SLC30A8: variants seen among roughly 807,000 people sequenced by gnomAD.
The protein encoded by SLC30A8 is solute carrier family 30 member 8, also known as proton-coupled zinc antiporter SLC30A8.
SLC30A8 carries 27 observed loss-of-function variants against 36.9 expected under a neutral mutation model. The ratio of observed to expected loss-of-function variants is 0.73; its 90% CI spans 0.54 to 1.01. The LOEUF is 1.01. Among genes scored for constraint, SLC30A8 ranks in the 50% least tolerant of loss-of-function variants. The pLI, the probability that SLC30A8 is intolerant of heterozygous loss-of-function variation, is 0.00. For missense variants in SLC30A8, 439 were observed against 452.0 expected, an observed-to-expected ratio of 0.97 and a Z score of 0.26; for synonymous variants, 164 against 172.4, an observed-to-expected ratio of 0.95 and a Z score of 0.38.
intron 2 of SLC30A8, among the ~76,000 whole-genome samples, chr8:117,067,146 A>G (rs1818194034): frequency 6.6e-6 from 1 of 152,124 alleles, no homozygotes; most frequent in African/African-American, 2.4e-5. Context: ...CACTATCACA[A>G]GAACAGCATT....
chr8:117,057,599 A>G (rs549418301), intron 2 of SLC30A8, among the ~76,000 whole-genome samples: 1 of 152,158 alleles, frequency 6.6e-6, no homozygotes, highest in Non-Finnish European at 1.5e-5. Flanking sequence ...GATTCCATGT[A>G]TAAGTGAAAT....
intron 1 of SLC30A8, among the ~76,000 whole-genome samples, chr8:117,012,299 AG>A (rs1445106443): frequency 6.6e-6 from 1 of 151,952 alleles, no homozygotes; most frequent in East Asian, 1.9e-4. Context: ...GTTTTCTGTC[AG>A]TGTTATGCCA....
intron 2 of SLC30A8, among the ~76,000 whole-genome samples, chr8:117,100,659 T>G (rs964935313): frequency 5.3e-5 from 8 of 152,200 alleles, no homozygotes; most frequent in South Asian, 2.1e-4. Context: ...CTCTTATAAT[T>G]GTTAAGTTCA....
intron 2 of SLC30A8, among the ~76,000 whole-genome samples, chr8:117,114,060 A>T (rs1295248776): frequency 6.6e-6 from 1 of 152,122 alleles, no homozygotes; most frequent in Non-Finnish European, 1.5e-5. Context: ...TCACTAGATT[A>T]CTGGAAAATG....
chr8:117,163,826 T>C (rs1045294654), intron 6 of SLC30A8: 2 of 197,568 alleles, frequency 1.0e-5, no homozygotes, highest in African/African-American at 4.6e-5. Flanking sequence ...GGAAAAGACC[T>C]AAGAAAAAAA....
intron 2 of SLC30A8, among the ~76,000 whole-genome samples, chr8:117,099,877 T>C (rs1221618548): frequency 6.6e-6 from 1 of 152,224 alleles, no homozygotes; most frequent in East Asian, 1.9e-4. Flanking sequence ...GTATTTCATT[T>C]AATCTTGACT....
chr8:116,977,948 C>T (rs1004886132), intron 1 of SLC30A8, among the ~76,000 whole-genome samples: 2 of 152,006 alleles, frequency 1.3e-5, no homozygotes, highest in East Asian at 1.9e-4. Context: ...TTCCCATGAA[C>T]GTTCCTTTTC....
intron 1 of SLC30A8, among the ~76,000 whole-genome samples, chr8:116,981,490 T>C (rs1815258849): frequency 6.6e-6 from 1 of 152,210 alleles, no homozygotes; most frequent in South Asian, 2.1e-4. Flanking sequence ...CACAGGAGTT[T>C]AGCATACAGA....
At chr8:116,976,800 T>TTC (rs1423895014) in intron 1 of SLC30A8, among the ~76,000 whole-genome samples, 14 of 11,616 alleles carry the variant, frequency 1.2e-3, no homozygotes, top group Middle Eastern at 0.029. Context: ...CCTTTTATTT[T>TTC]TCTTTCTTTC....
At chr8:117,083,388 A>G (rs572995412) in intron 2 of SLC30A8, among the ~76,000 whole-genome samples, 3 of 152,190 alleles carry the variant, frequency 2.0e-5, no homozygotes, top group Non-Finnish European at 2.9e-5. Context: ...TCTGGGGTCA[A>G]GCTAATCAAA....
chr8:117,135,374 A>G lies in SLC30A8; in HGVS notation c.47A>G (p.Lys16Arg). 6.2e-7 allele frequency: 1 copy of G among 1,601,530 alleles called. No homozygotes were observed. The highest frequency in any genetic ancestry group is 8.5e-7 in the Non-Finnish European group (1 of 1,172,350). ...TATCTTGTGAATGATAAAGCTGCCA[A>G]GATGTATGCTTTCACACTAGAAAGG... ...RTYLVNDKAA[K>R]MYAFTLESVE... The change falls in exon 1 of 8, where the codon AAG becomes AGG. Residue 16 changes from lysine (K) to arginine (R), a missense_variant. Coordinates refer to ENST00000456015, the MANE Select transcript of SLC30A8 (RefSeq NM_173851.3).
intron 1 of SLC30A8, among the ~76,000 whole-genome samples, chr8:117,016,765 T>C (rs1196264874): frequency 6.6e-6 from 1 of 152,216 alleles, no homozygotes; most frequent in Non-Finnish European, 1.5e-5. Flanking sequence ...ATTTTCTTCC[T>C]GTCATGAGGG....
chr8:117,045,342 T>C (rs909666145), intron 2 of SLC30A8, among the ~76,000 whole-genome samples: 1 of 152,072 alleles, frequency 6.6e-6, no homozygotes, highest in Non-Finnish European at 1.5e-5. Flanking sequence ...TCCCCCACCG[T>C]ACTTGAAAGG....
chr8:117,009,898 T>C (rs1001906221), intron 1 of SLC30A8, among the ~76,000 whole-genome samples: 2 of 152,210 alleles, frequency 1.3e-5, no homozygotes, highest in Admixed American at 6.5e-5. Flanking sequence ...TTTTTAAAAC[T>C]TCATGATTCA....
intron 2 of SLC30A8, among the ~76,000 whole-genome samples, chr8:117,096,957 T>A (rs1432211854): frequency 6.6e-6 from 1 of 152,084 alleles, no homozygotes; most frequent in African/African-American, 2.4e-5. Flanking sequence ...CCAAGAATAA[T>A]GACCATAGCC....
At chr8:117,070,844 T>C (rs538655338) in intron 2 of SLC30A8, among the ~76,000 whole-genome samples, 8 of 152,206 alleles carry the variant, frequency 5.3e-5, no homozygotes, top group Non-Finnish European at 1.0e-4. Context: ...GTATTTGTCT[T>C]TTTGTGGCTG....
At chr8:117,008,562 A>G (rs1816250604) in intron 1 of SLC30A8, among the ~76,000 whole-genome samples, 3 of 152,176 alleles carry the variant, frequency 2.0e-5, no homozygotes, top group Non-Finnish European at 2.9e-5. Flanking sequence ...GGTAAGATTG[A>G]TATGTCAAAT....
chr8:117,035,314 C>T (rs941718033), intron 1 of SLC30A8, among the ~76,000 whole-genome samples: 1 of 152,222 alleles, frequency 6.6e-6, no homozygotes, highest in Non-Finnish European at 1.5e-5. Flanking sequence ...TATAAATGCT[C>T]CCATTCCAAA....
chr8:117,026,483 A>G (rs1174422431), intron 1 of SLC30A8, among the ~76,000 whole-genome samples: 2 of 152,160 alleles, frequency 1.3e-5, no homozygotes, highest in Non-Finnish European at 2.9e-5. Context: ...ACTCAAACTA[A>G]TCTCACGCTC....
Sources: allele counts gnomAD v4.1 joint callset (sites outside exome capture counted in the v4.1 genomes callset), GRCh38; gene constraint gnomAD v4.1.1; transcripts MANE v1.5; gene names NCBI Gene and HGNC (gene_info 2026-07-23, HGNC 2026-07-21).